The following TOP1 variants were observed in gnomAD, a reference collection of about 807,000 sequenced individuals.
TOP1 encodes the protein DNA topoisomerase 1.
In TOP1, 10 loss-of-function variants were observed where a neutral mutation model predicts 111.1. The observed-to-expected ratio is 0.09, with a 90% CI of 0.06 to 0.15. The LOEUF is 0.15. Among genes scored for constraint, TOP1 ranks in the 10% least tolerant of loss-of-function variants. TOP1 has a pLI of 1.00. For missense variants in TOP1, 474 were observed against 926.7 expected (o/e 0.51, Z 6.34); for synonymous variants, 271 against 302.9 (o/e 0.89, Z 1.10).
At chr20:41,060,850 AT>A (rs886131155) in intron 2 of TOP1, among the ~76,000 whole-genome samples, 2 of 151,988 alleles carry the variant, frequency 1.3e-5, no homozygotes, top group Non-Finnish European at 1.5e-5. Context: ...GGGGATTTGT[AT>A]TTTTTTGGTT....
In TOP1 at chr20:41,080,564, A is replaced by G. The variant is rs982997338; in HGVS notation, c.431+384A>G. Among the ~76,000 whole-genome samples the G allele has an allele frequency of 2.0e-5, 3 of 152,224 alleles. No individual in the cohort carries two copies. Among genetic ancestry groups the G allele is most frequent in the Non-Finnish European group, 2.9e-5 (2 of 68,036 alleles). ...TGTCAGACATTCTAAGTGAAGTTTC[A>G]GTGTGTAAAAATAATAAAACTGCTC... On this transcript the variant is annotated intron_variant, in intron 6 of 20. Coordinates refer to ENST00000361337, the MANE Select transcript of TOP1 (RefSeq NM_003286.4). The surrounding 1 kb of genome is among the most constrained non-coding windows in gnomAD (Gnocchi z 5.0).
At chr20:41,054,021 T>C (rs948052996) in intron 2 of TOP1, among the ~76,000 whole-genome samples, 1 of 152,202 alleles carries the variant, frequency 6.6e-6, no homozygotes, top group Non-Finnish European at 1.5e-5. Flanking sequence ...AAAAAGTATC[T>C]TAGATTTGAG....
At chr20:41,108,624 T>C (rs77440706) in intron 13 of TOP1, among the ~76,000 whole-genome samples, 2,181 of 152,300 alleles carry the variant, frequency 0.014, 82 homozygotes, top group East Asian at 0.11. Context: ...GTTTTTGCTT[T>C]TCCCCCCAGG....
In TOP1 at chr20:41,029,211, C is replaced by G. The variant is rs1353214348; in HGVS notation, c.33+111C>G. 3 of 936,242 alleles carry G rather than the reference C, an allele frequency of 3.2e-6. No homozygotes were observed. Among genetic ancestry groups the G allele is most frequent in the Admixed American group, 4.2e-5 (1 of 23,542 alleles). 58.0% of individuals were successfully genotyped at this position (936,242 alleles called of 1,614,324 possible). On this transcript the variant is annotated intron_variant, in intron 1 of 20. Coordinates refer to ENST00000361337, the MANE Select transcript of TOP1 (RefSeq NM_003286.4). This position sits in a 1 kb window ranked among gnomAD's most constrained non-coding sequence, Gnocchi z 6.1. ...CCCGGCAGCTTTGACAGGCCGGAGC[C>G]CCCGGTGAGGGGCCGCCTGCCGGAG...
chr20:41,100,723 TA>T lies in TOP1; in HGVS notation c.1163+483del, dbSNP rs1247236153. Reference sequence around the variant, plus strand: ...AGTCGATAATTTCCACCTTTTCATTTAAAGCACTCTGTGCAGCTTCTGTATG... The same window carrying T: ...AGTCGATAATTTCCACCTTTTCATTTAAGCACTCTGTGCAGCTTCTGTATG... On this transcript the variant is annotated intron_variant, in intron 12 of 20. Coordinates refer to ENST00000361337, the MANE Select transcript of TOP1 (RefSeq NM_003286.4). The surrounding 1 kb of genome is among the most constrained non-coding windows in gnomAD (Gnocchi z 4.4). 6.3e-6 allele frequency: 1 copy of T among 159,808 alleles called. No homozygotes were observed. The highest frequency in any genetic ancestry group is 1.4e-5 in the Non-Finnish European group (1 of 72,940). The allele number at this position is 159,808 out of a possible 1,614,324, so 9.9% of individuals were successfully genotyped here. A position where few individuals can be genotyped will look rare whatever the true frequency, so the allele number is the denominator to read the frequency against.
chr20:41,049,860 T>A (rs1484327122), intron 2 of TOP1, among the ~76,000 whole-genome samples: 2 of 152,216 alleles, frequency 1.3e-5, no homozygotes, highest in African/African-American at 2.4e-5. Context: ...TTTTGTTAGC[T>A]TTCAAGTTGA....
At chr20:41,070,392 C>T (rs150839965) in intron 3 of TOP1, among the ~76,000 whole-genome samples, 273 of 152,154 alleles carry the variant, frequency 1.8e-3, no homozygotes, top group African/African-American at 6.2e-3. Context: ...TATAAAACGC[C>T]GGAGTCCTTG....
At chr20:41,084,213 C>T (rs191038875) in intron 7 of TOP1, among the ~76,000 whole-genome samples, 80 of 152,108 alleles carry the variant, frequency 5.3e-4, no homozygotes, top group African/African-American at 1.7e-3. Context: ...GTTTCCCAGT[C>T]TCTTCCCCTG....
rs1188521402 is a variant in TOP1, at chr20:41,083,855, T to C, written c.508-607T>C. ...CCTGTTTAGGTTTGATGCCCGTTTA[T>C]TGTGTCACTGTGATCAGCTCATTTA... On this transcript the variant is annotated intron_variant, in intron 7 of 20. Transcript: ENST00000361337. The surrounding 1 kb of genome is among the most constrained non-coding windows in gnomAD (Gnocchi z 7.2). Among the ~76,000 whole-genome samples, 1 of 152,146 alleles carries C rather than the reference T, an allele frequency of 6.6e-6. No individual in the cohort carries two copies. The highest frequency in any genetic ancestry group is 1.5e-5 in the Non-Finnish European group (1 of 68,022).
At position 41,077,567 on chromosome 20, in the gene TOP1, T is replaced by G; in HGVS notation, c.280-15T>G. On this transcript the variant is annotated splice_polypyrimidine_tract_variant and intron_variant, in intron 4 of 20. Coordinates refer to ENST00000361337, the MANE Select transcript of TOP1 (RefSeq NM_003286.4). ...GTCCTTTCAAGGTACTAGTTACTGT[T>G]GTTTTACTTTTCAGGTTCGAGCCTC... The G allele has an allele frequency of 6.2e-7, 1 of 1,612,680 alleles. No homozygotes were observed. Among genetic ancestry groups the G allele is most frequent in the Non-Finnish European group, 8.5e-7 (1 of 1,178,640 alleles).
At chr20:41,088,105 G>T (rs1362933789) in intron 8 of TOP1, among the ~76,000 whole-genome samples, 1 of 152,184 alleles carries the variant, frequency 6.6e-6, no homozygotes, top group East Asian at 1.9e-4. Flanking sequence ...GTGATTTGCT[G>T]AATCTCTTAA....
At chr20:41,107,889 G>T (rs1431601546) in intron 13 of TOP1, among the ~76,000 whole-genome samples, 4 of 152,052 alleles carry the variant, frequency 2.6e-5, no homozygotes, top group Non-Finnish European at 4.4e-5. Flanking sequence ...AGCTAATAAG[G>T]CCCCTGACTT....
At chr20:41,047,275 T>A (rs1329770308) in intron 2 of TOP1, among the ~76,000 whole-genome samples, 1 of 152,212 alleles carries the variant, frequency 6.6e-6, no homozygotes, top group East Asian at 1.9e-4. Context: ...ATAATGATGG[T>A]CCCATAAGAT....
rs541152734 is a variant in TOP1, at chr20:41,098,557, G to A, written c.975+220G>A. ...TCAGTAGCTCTGTACAGGAATCTTG[G>A]TGCTTCAGTGACCTAAAAACCAGTC... On this transcript the variant is annotated intron_variant, in intron 11 of 20. Transcript: ENST00000361337. This position sits in a 1 kb window ranked among gnomAD's most constrained non-coding sequence, Gnocchi z 5.7. 1 of 452,290 alleles carries A rather than the reference G, an allele frequency of 2.2e-6. No individual in the cohort carries two copies. The highest frequency in any genetic ancestry group is 2.8e-5 in the South Asian group (1 of 35,906). 28.0% of individuals were successfully genotyped at this position (452,290 alleles called of 1,614,324 possible).
At position 41,073,983 on chromosome 20, in the gene TOP1, CAA is replaced by C. The variant is rs201548745; in HGVS notation, c.156-2185_156-2184del. On this transcript the variant is annotated intron_variant, in intron 3 of 20. Coordinates refer to ENST00000361337, the MANE Select transcript of TOP1 (RefSeq NM_003286.4). The stretch of plus-strand genomic sequence containing the variant: ...CTCTTACAGTTGATGCTTAATAAAA[CAA>C]AACTACCATGGTTTTATAATGGAAT... Among the ~76,000 whole-genome samples the C allele has an allele frequency of 6.8e-3, 1,040 of 152,218 alleles. 12 individuals carry two copies. The highest frequency in any genetic ancestry group is 0.022 in the East Asian group (115 of 5,186).
At chr20:41,063,711 A>T (rs915941001) in intron 3 of TOP1, among the ~76,000 whole-genome samples, 1 of 152,062 alleles carries the variant, frequency 6.6e-6, no homozygotes, top group African/African-American at 2.4e-5. Context: ...ATTTTTTCAT[A>T]CATTTGTTGG....
chr20:41,072,468 G>A (rs1822051223), intron 3 of TOP1: 1 of 985,292 alleles, frequency 1.0e-6, no homozygotes. Flanking sequence ...GAGTCAGCCT[G>A]ACTGACCCCA....
intron 3 of TOP1, among the ~76,000 whole-genome samples, chr20:41,074,635 G>A (rs1417136262): frequency 6.6e-6 from 1 of 152,144 alleles, no homozygotes; most frequent in Non-Finnish European, 1.5e-5. Flanking sequence ...TGTGTGCAGG[G>A]TGTAATAGCA....
chr20:41,098,102 C>A lies in TOP1; in HGVS notation c.853-113C>A. On this transcript the variant is annotated intron_variant, in intron 10 of 20. Coordinates refer to ENST00000361337, the MANE Select transcript of TOP1 (RefSeq NM_003286.4). This position sits in a 1 kb window ranked among gnomAD's most constrained non-coding sequence, Gnocchi z 5.7. ...ATTCATTAATTGAGATTGGCTACTT[C>A]CAGAAACCTTTGACTGAAAAAATGG... is the stretch of plus-strand genomic sequence containing the variant. The A allele has an allele frequency of 8.9e-7, 1 of 1,122,902 alleles. No homozygotes were observed. The highest frequency in any genetic ancestry group is 1.3e-6 in the Non-Finnish European group (1 of 763,100). The allele number at this position is 1,122,902 out of a possible 1,614,324, so 69.6% of individuals were successfully genotyped here.
Sources: gnomAD v4.1 joint callset for allele counts (sites outside exome capture counted in the v4.1 genomes callset) on GRCh38, gnomAD v4.1.1 for gene constraint, Gnocchi (gnomAD v3.1) non-coding constraint, MANE v1.5 for transcripts, NCBI Gene and HGNC (gene_info 2026-07-23, HGNC 2026-07-21) for gene names.